Variants in CACNA2D1 observed in about 807,000 individuals in gnomAD.
The protein encoded by CACNA2D1 is voltage-dependent calcium channel subunit alpha-2/delta-1.
CACNA2D1 carries 53 observed loss-of-function variants against 171.5 expected under a neutral mutation model. The observed-to-expected ratio is 0.31, with a 90% confidence interval of 0.25 to 0.39. The LOEUF is 0.39. CACNA2D1 is among the 10% of genes least tolerant of loss of function. CACNA2D1 has a pLI of 1.00. For missense variants in CACNA2D1, 903 were observed against 1,299.8 expected, an observed-to-expected ratio of 0.69 and a Z score of 4.69; for synonymous variants, 442 against 443.1, an observed-to-expected ratio of 1.00 and a Z score of 0.03.
intron 34 of CACNA2D1, 23 bp downstream of exon 34, chr7:81,964,033 A>AG: frequency 6.2e-7 from 1 of 1,604,904 alleles, no homozygotes; most frequent in African/African-American, 1.3e-5. Flanking sequence ...TTCATTACCA[A>AG]TAAAACTAAA....
intron 3 of CACNA2D1, among the ~76,000 whole-genome samples, chr7:82,185,568 G>A (rs1461657251): frequency 2.6e-4 from 34 of 129,062 alleles, no homozygotes; most frequent in South Asian, 1.7e-3. Context: ...GGGAGGGGGA[G>A]GAGAAGAAAA....
intron 19 of CACNA2D1, among the ~76,000 whole-genome samples, chr7:81,996,792 T>A (rs920736772): frequency 1.3e-5 from 2 of 152,006 alleles, no homozygotes; most frequent in Non-Finnish European, 2.9e-5. Context: ...ACATGACAGC[T>A]TCTACTCATG....
chr7:82,278,701 TACA>T (rs757755183), intron 3 of CACNA2D1, among the ~76,000 whole-genome samples: 1 of 151,588 alleles, frequency 6.6e-6, no homozygotes, highest in South Asian at 2.1e-4. Flanking sequence ...GAGTAAGAAA[TACA>T]ACAATTCAAA....
At chr7:81,951,974 T>TTTTTTTTTTTTTTGTTTG (rs1562762583) in intron 38 of CACNA2D1, among the ~76,000 whole-genome samples, 124 of 147,702 alleles carry the variant, frequency 8.4e-4, no homozygotes, top group African/African-American at 1.9e-3. Context: ...AAAGTGTTTT[T>TTTTTTTTTTTTTTGTTTG]TTTTTTTTTT....
At chr7:82,175,352 A>G (rs560441350) in intron 3 of CACNA2D1, among the ~76,000 whole-genome samples, 11 of 152,180 alleles carry the variant, frequency 7.2e-5, no homozygotes, top group African/African-American at 2.6e-4. Flanking sequence ...ATAAAAGGTA[A>G]TAGAGATCTA....
chr7:82,220,821 G>A (rs1801668671), intron 3 of CACNA2D1, among the ~76,000 whole-genome samples: 1 of 133,928 alleles, frequency 7.5e-6, no homozygotes, highest in African/African-American at 2.8e-5. Context: ...CTCTGTCACC[G>A]ATGCTGCAGT....
intron 1 of CACNA2D1, among the ~76,000 whole-genome samples, chr7:82,412,918 C>T (rs1312440678): frequency 6.6e-6 from 1 of 151,910 alleles, no homozygotes; most frequent in Non-Finnish European, 1.5e-5. Flanking sequence ...CGTTATTTTT[C>T]TCAAATGACA....
chr7:82,116,577 C>A (rs1789068441), intron 6 of CACNA2D1, among the ~76,000 whole-genome samples: 1 of 152,098 alleles, frequency 6.6e-6, no homozygotes, highest in African/African-American at 2.4e-5. Context: ...CAGAAAAACA[C>A]AGACCGGGAG....
At chr7:82,091,686 T>A (rs1229429812) in intron 6 of CACNA2D1, among the ~76,000 whole-genome samples, 3 of 152,226 alleles carry the variant, frequency 2.0e-5, no homozygotes, top group Non-Finnish European at 2.9e-5. Context: ...GGCTGTATTT[T>A]GTATAAGAAA....
chr7:82,135,133 TCCTTAATTGGAGG>T (rs766567550), intron 5 of CACNA2D1, among the ~76,000 whole-genome samples: 32 of 152,218 alleles, frequency 2.1e-4, no homozygotes, highest in Non-Finnish European at 4.6e-4. Flanking sequence ...CTTTATGCAA[TCCTTAATTGGAGG>T]ATTGCACGTC....
At chr7:82,342,143 T>C (rs1818743562) in intron 2 of CACNA2D1, among the ~76,000 whole-genome samples, 1 of 151,472 alleles carries the variant, frequency 6.6e-6, no homozygotes. Context: ...CTTTTCCCTA[T>C]AACCTAGCTT....
At chr7:82,092,140 T>C (rs1310350052) in intron 6 of CACNA2D1, among the ~76,000 whole-genome samples, 1 of 152,222 alleles carries the variant, frequency 6.6e-6, no homozygotes, top group Non-Finnish European at 1.5e-5. Flanking sequence ...ACATTTCTTT[T>C]ACATAGAGCA....
intron 5 of CACNA2D1, among the ~76,000 whole-genome samples, chr7:82,118,931 T>C (rs1789395535): frequency 6.6e-6 from 1 of 152,080 alleles, no homozygotes; most frequent in Non-Finnish European, 1.5e-5. Flanking sequence ...TCAATTGAAC[T>C]CATTTATTAT....
At chr7:82,426,136 T>TAA (rs1829154652) in intron 1 of CACNA2D1, among the ~76,000 whole-genome samples, 3 of 79,290 alleles carry the variant, frequency 3.8e-5, no homozygotes, top group Middle Eastern at 8.2e-3. Context: ...GCTTCAAAAA[T>TAA]ATATAAATAA....
At chr7:82,152,994 A>G (rs1455626904) in intron 4 of CACNA2D1, among the ~76,000 whole-genome samples, 2 of 151,286 alleles carry the variant, frequency 1.3e-5, no homozygotes, top group African/African-American at 4.9e-5. Context: ...AATATCTGCC[A>G]TCCCACTGAT....
intron 3 of CACNA2D1, among the ~76,000 whole-genome samples, chr7:82,239,611 A>G (rs1804012955): frequency 6.6e-6 from 1 of 152,210 alleles, no homozygotes; most frequent in Non-Finnish European, 1.5e-5. Context: ...GAATAATATT[A>G]TCAATATCCA....
At chr7:82,289,116 A>C (rs144706037) in intron 3 of CACNA2D1, among the ~76,000 whole-genome samples, 195 of 152,336 alleles carry the variant, frequency 1.3e-3, no homozygotes, top group African/African-American at 4.6e-3. Flanking sequence ...TATAAAACAG[A>C]AAATGAATGC....
chr7:82,149,979 C>CGT (rs368587300), intron 4 of CACNA2D1, among the ~76,000 whole-genome samples: 33 of 150,526 alleles, frequency 2.2e-4, no homozygotes, highest in Admixed American at 6.0e-4. Flanking sequence ...TGTACATGTG[C>CGT]GTGTGTGTGT....
At chr7:82,361,824 A>T (rs1406144880) in intron 1 of CACNA2D1, among the ~76,000 whole-genome samples, 4 of 152,198 alleles carry the variant, frequency 2.6e-5, no homozygotes, top group Non-Finnish European at 4.4e-5. Context: ...AAAGAGAAAA[A>T]TCACAGTTTT....
Sources: gnomAD v4.1 joint callset for allele counts (sites outside exome capture counted in the v4.1 genomes callset) on GRCh38, gnomAD v4.1.1 for gene constraint, MANE v1.5 for transcripts, NCBI Gene and HGNC (gene_info 2026-07-23, HGNC 2026-07-21) for gene names.